The following ZFHX4 variants were observed in gnomAD, a reference collection of about 807,000 sequenced individuals.
ZFHX4 encodes the protein zinc finger homeobox 4.
A neutral mutation model predicts 267.6 loss-of-function variants in ZFHX4; 56 were observed. The observed-to-expected ratio is 0.21, with a 90% CI of 0.17 to 0.26. ZFHX4 has a LOEUF of 0.26. ZFHX4 is among the 10% of genes least tolerant of loss of function. The pLI is 1.00. For missense variants in ZFHX4, 4,332 were observed against 4,420.0 expected (o/e 0.98, Z 0.56); for synonymous variants, 1,778 against 1,665.6 (o/e 1.07, Z -1.64).
intron 3 of ZFHX4, among the ~76,000 whole-genome samples, chr8:76,775,964 G>A (rs1810391062): frequency 6.6e-6 from 1 of 151,124 alleles, no homozygotes; most frequent in Non-Finnish European, 1.5e-5. Context: ...CAGTCTGAAT[G>A]GCTGTGGCCT....
intron 3 of ZFHX4, among the ~76,000 whole-genome samples, chr8:76,714,905 C>CGTA (rs761045007): frequency 6.6e-6 from 1 of 152,040 alleles, no homozygotes; most frequent in Non-Finnish European, 1.5e-5. Context: ...AATCTATGGA[C>CGTA]GTAGTCATCA....
intron 1 of ZFHX4, among the ~76,000 whole-genome samples, chr8:76,698,474 A>G (rs1367463727): frequency 6.6e-6 from 1 of 152,126 alleles, no homozygotes; most frequent in Non-Finnish European, 1.5e-5. Context: ...TTTTCTCCTT[A>G]GCTCTTCATC....
chr8:76,864,650 T>C lies in ZFHX4; in HGVS notation c.*85T>C. On this transcript the variant is annotated 3_prime_UTR_variant, in exon 11 of 11. Coordinates refer to ENST00000651372, the MANE Select transcript of ZFHX4 (RefSeq NM_024721.5). Reference sequence around the variant, plus strand: ...AGACTTTAACTGCAGTTCCAAAGCTTCTCTAACCCAAAAATTACAGTACCA... The same window carrying C: ...AGACTTTAACTGCAGTTCCAAAGCTCCTCTAACCCAAAAATTACAGTACCA... 9.9e-7 allele frequency: 1 copy of C among 1,010,406 alleles called. No homozygotes were observed. The highest frequency in any genetic ancestry group is 2.7e-5 in the East Asian group (1 of 36,944). The allele number at this position is 1,010,406 out of a possible 1,614,324, so 62.6% of individuals were successfully genotyped here. A position where few individuals can be genotyped will look rare whatever the true frequency, so the allele number is the denominator to read the frequency against.
intron 3 of ZFHX4, among the ~76,000 whole-genome samples, chr8:76,732,785 G>T (rs1809056160): frequency 6.6e-6 from 1 of 152,138 alleles, no homozygotes. Flanking sequence ...CCATTAGTTT[G>T]TTTCTGAAGC....
chr8:76,794,502 G>C (rs903446036), intron 4 of ZFHX4, among the ~76,000 whole-genome samples: 1 of 152,200 alleles, frequency 6.6e-6, no homozygotes, highest in South Asian at 2.1e-4. Flanking sequence ...ATATCCCCCT[G>C]TTGTTAAGTT....
chr8:76,849,455 G>A, intron 7 of ZFHX4, 57 bp from the exon 8 acceptor site: 2 of 1,471,188 alleles, frequency 1.4e-6, no homozygotes, highest in South Asian at 2.3e-5. Context: ...CAACTACTAT[G>A]TATCAAATAA....
In ZFHX4 at chr8:76,863,232, C is replaced by G. The variant is rs1017444520; in HGVS notation, c.9518C>G (p.Pro3173Arg). The G allele has an allele frequency of 1.9e-6, 3 of 1,590,408 alleles. No homozygotes were observed. Among genetic ancestry groups the G allele is most frequent in the Admixed American group, 3.6e-5 (2 of 55,078 alleles). ...CCACCACCTCCTCCTCCTCCTCCTC[C>G]TTCATCCTCTCTGTCAGGACAGCAG... ...PPPPPPPPPP[P>R]SSSLSGQQTE... Residue 3173 changes from proline (P) to arginine (R), a missense_variant, in exon 11 of 11, where the codon CCT (proline) becomes CGT (arginine). Transcript: ENST00000651372.
rs754838273 is a variant in ZFHX4 at position 76,863,154 on chromosome 8, C to T, written c.9440C>T (p.Ala3147Val). ...GFPTSATSSP[A>V]LSLSSAPTKP... Reference sequence around the variant, plus strand: ...CCTACTTCAGCTACTTCGTCTCCTGCCCTGTCTCTCAGCAGTGCCCCCACC... The same window carrying T: ...CCTACTTCAGCTACTTCGTCTCCTGTCCTGTCTCTCAGCAGTGCCCCCACC... Residue 3147 changes from alanine to valine, a missense_variant, in exon 11 of 11, where the codon GCC (alanine) becomes GTC (valine). Physicochemically the swap from Ala to Val is moderately conservative, Grantham distance 64 (BLOSUM62 0). Transcript: ENST00000651372. 1.9e-6 allele frequency: 3 copies of T among 1,549,954 alleles called. No individual in the cohort carries two copies. The highest frequency in any genetic ancestry group is 2.4e-5 in the South Asian group (2 of 83,472).
At chr8:76,803,292 CGAAA>C (rs1472871142) in intron 4 of ZFHX4, among the ~76,000 whole-genome samples, 1 of 150,952 alleles carries the variant, frequency 6.6e-6, no homozygotes, top group Non-Finnish European at 1.5e-5. Flanking sequence ...GTGGTATGAC[CGAAA>C]GAAGAGGGTA....
At chr8:76,827,867 A>G (rs1452183658) in intron 4 of ZFHX4, among the ~76,000 whole-genome samples, 1 of 152,202 alleles carries the variant, frequency 6.6e-6, no homozygotes, top group Non-Finnish European at 1.5e-5. Flanking sequence ...ATAAAAAATT[A>G]CAAATCCAGC....
Position 76,864,266 on chromosome 8 carries a change from C to T in ZFHX4, c.10552C>T (p.Leu3518Phe). The T allele has an allele frequency of 6.2e-7, 1 of 1,613,920 alleles. No homozygotes were observed. ...AASSNNTYPH[L>F]SCFSMKSWPN... ...TTCTTCTAATAACACCTATCCTCATCTTTCTTGCTTCTCCATGAAGTCCTG... is the reference window on the plus strand; with the variant it reads ...TTCTTCTAATAACACCTATCCTCATTTTTCTTGCTTCTCCATGAAGTCCTG... The change falls in exon 11 of 11, where the codon CTT becomes TTT. Residue 3518 changes from leucine to phenylalanine, a missense_variant. Transcript: ENST00000651372.
intron 4 of ZFHX4, among the ~76,000 whole-genome samples, chr8:76,825,316 A>G (rs1421200103): frequency 6.6e-6 from 1 of 152,222 alleles, no homozygotes; most frequent in Admixed American, 6.5e-5. Context: ...CACATATAGA[A>G]TCCTGAATGT....
At chr8:76,857,354 T>TTATATATATATATATATA (rs10576780) in intron 10 of ZFHX4, among the ~76,000 whole-genome samples, 1 of 143,430 alleles carries the variant, frequency 7.0e-6, no homozygotes, top group African/African-American at 2.5e-5. Flanking sequence ...TTCACTAATT[T>TTATATATATATATATATA]TATATATATA....
At chr8:76,737,673 G>A (rs950391754) in intron 3 of ZFHX4, among the ~76,000 whole-genome samples, 2 of 152,136 alleles carry the variant, frequency 1.3e-5, no homozygotes, top group Non-Finnish European at 2.9e-5. Flanking sequence ...ATATGATAAT[G>A]TTATCTGCTT....
chr8:76,819,619 C>G (rs1351864179), intron 4 of ZFHX4, among the ~76,000 whole-genome samples: 1 of 152,144 alleles, frequency 6.6e-6, no homozygotes, highest in Non-Finnish European at 1.5e-5. Context: ...GAGACAGGAT[C>G]ACCTCCATGC....
At chr8:76,752,193 G>T (rs575393709) in intron 3 of ZFHX4, among the ~76,000 whole-genome samples, 2 of 152,128 alleles carry the variant, frequency 1.3e-5, no homozygotes, top group South Asian at 4.1e-4. Flanking sequence ...TTTGATAATG[G>T]TATTTCAATG....
At chr8:76,850,169 T>C in intron 8 of ZFHX4, 76 bp from the exon 9 acceptor site, 4 of 1,197,106 alleles carry the variant, frequency 3.3e-6, no homozygotes, top group South Asian at 1.4e-5. Flanking sequence ...TGGGATATGC[T>C]ACCAGCAAAA....
chr8:76,780,867 A>C (rs1810527957), intron 4 of ZFHX4, among the ~76,000 whole-genome samples: 1 of 152,140 alleles, frequency 6.6e-6, no homozygotes, highest in Non-Finnish European at 1.5e-5. Context: ...ACACATTCAT[A>C]TTAACTTTCT....
intron 4 of ZFHX4, among the ~76,000 whole-genome samples, chr8:76,823,990 A>C (rs1012909211): frequency 6.6e-6 from 1 of 152,212 alleles, no homozygotes; most frequent in Non-Finnish European, 1.5e-5. Flanking sequence ...AGAGATGGTG[A>C]TAGCAACTTA....
Sources: gnomAD v4.1 joint callset for allele counts (sites outside exome capture counted in the v4.1 genomes callset) on GRCh38, gnomAD v4.1.1 for gene constraint, MANE v1.5 for transcripts, NCBI Gene and HGNC (gene_info 2026-07-23, HGNC 2026-07-21) for gene names.